The following SMC1A variants were observed in gnomAD, a reference collection of about 807,000 sequenced individuals.
SMC1A encodes structural maintenance of chromosomes 1A.
A neutral mutation model predicts 94.5 loss-of-function variants in SMC1A; 4 were observed. The observed-to-expected ratio is 0.04, with a 90% CI of 0.02 to 0.10. SMC1A has a LOEUF of 0.10. Among genes scored for constraint, SMC1A ranks in the 10% least tolerant of loss-of-function variants. The probability of loss-of-function intolerance (pLI) is 1.00; values close to 1 mark genes in which losing one functional copy is unlikely to be tolerated. For missense variants in SMC1A, 304 were observed against 989.0 expected (o/e 0.31, Z 9.29); for synonymous variants, 345 against 347.7 (o/e 0.99, Z 0.09).
At chrX:53,411,255 C>T (rs2075711760) in intron 7 of SMC1A, among the ~76,000 whole-genome samples, 1 of 110,960 alleles carries the variant, frequency 9.0e-6, no homozygotes, top group Admixed American at 9.7e-5. Context: ...ACAGTAAGTG[C>T]TCAACAGATG....
intron 16 of SMC1A, 106 bp from the exon 17 acceptor site, chrX:53,396,723 C>T (rs782006615): frequency 1.4e-5 from 13 of 902,645 alleles, no homozygotes; most frequent in African/African-American, 1.2e-4. Context: ...ATTGGAGTCA[C>T]TCGTCAATGA....
chrX:53,407,094 C>T (rs1259683386), intron 9 of SMC1A, among the ~76,000 whole-genome samples: 2 of 112,095 alleles, frequency 1.8e-5, no homozygotes, highest in African/African-American at 3.2e-5. Flanking sequence ...TAGTCTTCTA[C>T]CCGTGAGTTC....
rs1472137678 is a variant in SMC1A, at chrX:53,399,597, G to C, written c.2554C>G (p.Leu852Val). 1 of 1,205,792 alleles carries C rather than the reference G, an allele frequency of 8.3e-7. No individual in the cohort carries two copies. The highest frequency in any genetic ancestry group is 3.0e-5 in the East Asian group (1 of 33,712). ...VKKDENEIEK[L>V]KKEEQRHMKI... Reference sequence around the variant, plus strand: ...ATTCTTTCCTTCCTTACCTTTTTGAGCTTTTCTATCTCATTTTCATCTTTT... The same window carrying C: ...ATTCTTTCCTTCCTTACCTTTTTGACCTTTTCTATCTCATTTTCATCTTTT... The change falls in exon 16 of 25, where the codon CTC becomes GTC. Residue 852 changes from leucine to valine, a missense_variant. Coordinates refer to ENST00000322213, the MANE Select transcript of SMC1A (RefSeq NM_006306.4).
At chrX:53,418,681 C>T (rs1167901592) in intron 1 of SMC1A, among the ~76,000 whole-genome samples, 1 of 112,421 alleles carries the variant, frequency 8.9e-6, no homozygotes, top group Non-Finnish European at 1.9e-5. Flanking sequence ...AGATCCTCCA[C>T]CTTGGACTCC....
At chrX:53,415,666 CAAAA>C (rs1280908265) in intron 1 of SMC1A, among the ~76,000 whole-genome samples, 1 of 64,198 alleles carries the variant, frequency 1.6e-5, no homozygotes, top group Admixed American at 2.0e-4. Flanking sequence ...GACTCCATCT[CAAAA>C]AAAAAAAAAA....
chrX:53,414,729 G>C (rs782697140), intron 3 of SMC1A, 29 bp downstream of exon 3: 1 of 1,002,683 alleles, frequency 1.0e-6, no homozygotes, highest in South Asian at 1.9e-5. Context: ...GCAAAAACCA[G>C]ATAGCCAATA....
chrX:53,398,941 A>T (rs1318142630), intron 16 of SMC1A, among the ~76,000 whole-genome samples: 4 of 111,734 alleles, frequency 3.6e-5, no homozygotes, highest in African/African-American at 1.3e-4. Flanking sequence ...CACATTACAT[A>T]AGAATACTCG....
At chrX:53,419,296 G>C (rs2146610238) in intron 1 of SMC1A, among the ~76,000 whole-genome samples, 1 of 110,266 alleles carries the variant, frequency 9.1e-6, no homozygotes, top group Admixed American at 9.8e-5. Flanking sequence ...GGAAGCAGAC[G>C]TGGGTGGATC....
At chrX:53,389,026 A>T (rs1556886829) in intron 19 of SMC1A, among the ~76,000 whole-genome samples, 1 of 106,339 alleles carries the variant, frequency 9.4e-6, no homozygotes, top group Non-Finnish European at 1.9e-5. Context: ...AAAATTACAT[A>T]TGTGGATCAC....
chrX:53,381,118 T>C (rs781831564), intron 22 of SMC1A, 31 bp from the exon 23 acceptor site: 2 of 910,310 alleles, frequency 2.2e-6, no homozygotes, highest in East Asian at 3.2e-5. Context: ...GAGCTGACAC[T>C]GAGGCGGGGA....
In SMC1A at chrX:53,412,988, T is replaced by G; in HGVS notation, c.766A>C (p.Met256Leu). 8.3e-7 allele frequency: 1 copy of G among 1,203,738 alleles called. No homozygotes were observed. The highest frequency in any genetic ancestry group is 1.1e-6 in the Non-Finnish European group (1 of 888,364). The change falls in exon 5 of 25, where the codon ATG becomes CTG. Residue 256 changes from methionine (M) to leucine (L), a missense_variant. Met to Leu is a conservative substitution (Grantham distance 15). This residue lies in a region of SMC1A where 120 missense variants were observed against 314.9 expected (regional missense o/e 0.38). Coordinates refer to ENST00000322213, the MANE Select transcript of SMC1A (RefSeq NM_006306.4). Reference sequence around the variant, plus strand: ...TTCAGTTCATCCTCCACCTTGTCCATACGCTTCTTGTCCTTCTCGATCTCC... The same window carrying G: ...TTCAGTTCATCCTCCACCTTGTCCAGACGCTTCTTGTCCTTCTCGATCTCC... ...NKEIEKDKKR[M>L]DKVEDELKEK...
chrX:53,400,976 C>T (rs782333447), intron 15 of SMC1A, among the ~76,000 whole-genome samples: 5 of 111,839 alleles, frequency 4.5e-5, no homozygotes, highest in Middle Eastern at 4.6e-3. Flanking sequence ...TTCTTCCTGA[C>T]CCTGCTTTTA....
At chrX:53,415,312 C>G (rs1181287654) in intron 1 of SMC1A, 143 bp from the exon 2 acceptor site, 8 of 526,196 alleles carry the variant, frequency 1.5e-5, no homozygotes, top group African/African-American at 2.3e-5. Context: ...CCTCTGTCCC[C>G]ATAAAGACTG....
chrX:53,422,455 C>T (rs1245401367), intron 1 of SMC1A, 37 bp downstream of exon 1: 1 of 959,092 alleles, frequency 1.0e-6, no homozygotes, highest in East Asian at 3.1e-5. Flanking sequence ...GGGTCCAGGC[C>T]GGGACGTGCG....
chrX:53,404,328 G>A (rs112204812), intron 13 of SMC1A, among the ~76,000 whole-genome samples: 20 of 46,965 alleles, frequency 4.3e-4, no homozygotes, highest in South Asian at 1.2e-3. Flanking sequence ...CCCCCGCCCC[G>A]CCCACTACCA....
Position 53,394,744 on chromosome X carries a change from C to T in SMC1A, c.2973+34G>A, listed in dbSNP as rs782470993. 1 of 614,113 alleles carries T rather than the reference C, an allele frequency of 1.6e-6. No homozygotes were observed. The highest frequency in any genetic ancestry group is 2.5e-5 in the Admixed American group (1 of 39,996). The allele number at this position is 614,113 out of a possible 1,213,427, so 50.6% of individuals were successfully genotyped here. On this transcript the variant is annotated intron_variant, in intron 19 of 24. Transcript: ENST00000322213. The stretch of plus-strand genomic sequence containing the variant: ...AGATAGTCCCACTCCCACCCAACCC[C>T]CACCCCCACCACACCCCTGTGGTTG...
In SMC1A at chrX:53,413,520, A is replaced by G. The variant is rs1317723859; in HGVS notation, c.412-85T>C. The G allele has an allele frequency of 4.5e-6, 4 of 890,945 alleles. No individual in the cohort carries two copies. In the East Asian group the frequency reaches 9.7e-5, roughly 22 times the overall value. The allele number at this position is 890,945 out of a possible 1,213,427, so 73.4% of individuals were successfully genotyped here. Reference sequence around the variant, plus strand: ...CATTTCCACTCCTTCACCCAGAAAAAGTTACCAACTTTCTCTCCCATGCCC... The same window carrying G: ...CATTTCCACTCCTTCACCCAGAAAAGGTTACCAACTTTCTCTCCCATGCCC... On this transcript the variant is annotated intron_variant, in intron 3 of 24. Coordinates refer to ENST00000322213, the MANE Select transcript of SMC1A (RefSeq NM_006306.4).
intron 10 of SMC1A, 48 bp downstream of exon 10, chrX:53,405,723 G>A (rs2075688711): frequency 5.8e-6 from 7 of 1,207,595 alleles, no homozygotes; most frequent in Non-Finnish European, 7.8e-6. Flanking sequence ...GAGTACTAGA[G>A]GAGGGGCCCT....
At chrX:53,408,399 G>A (rs956877412) in intron 9 of SMC1A, among the ~76,000 whole-genome samples, 2 of 111,423 alleles carry the variant, frequency 1.8e-5, no homozygotes, top group South Asian at 7.4e-4. Flanking sequence ...AACCAAGCCT[G>A]GTTCCCTAAG....
Sources: gnomAD v4.1 joint callset for allele counts (sites outside exome capture counted in the v4.1 genomes callset) on GRCh38, gnomAD v4.1.1 for gene constraint, gnomAD v4.1.1 regional missense constraint, MANE v1.5 for transcripts, NCBI Gene and HGNC (gene_info 2026-07-23, HGNC 2026-07-21) for gene names.